The following NT5DC1 variants were observed in gnomAD, a reference collection of about 807,000 sequenced individuals.
NT5DC1 encodes the protein 5'-nucleotidase domain containing 1, also known as 5'-nucleotidase domain-containing protein 1.
Under a neutral mutation model 59.4 loss-of-function variants are expected in NT5DC1, and 42 were observed. The observed-to-expected ratio is 0.71, with a 90% CI of 0.55 to 0.92. The LOEUF (loss-of-function observed/expected upper bound fraction) is 0.92, where lower values mean the gene tolerates loss of function less well. Ranked by LOEUF, NT5DC1 falls within the 40% of genes least tolerant of loss-of-function variation. The pLI is 0.00. For missense variants in NT5DC1, 501 were observed against 537.1 expected (o/e 0.93, Z 0.66); for synonymous variants, 172 against 188.1 (o/e 0.91, Z 0.70).
chr6:116,142,133 A>G (rs1222830879), intron 6 of NT5DC1, among the ~76,000 whole-genome samples: 1 of 152,086 alleles, frequency 6.6e-6, no homozygotes, highest in Non-Finnish European at 1.5e-5. Flanking sequence ...TTTTGTAGGA[A>G]CTAAATGGAT....
chr6:116,195,212 C>T (rs1781198726), intron 6 of NT5DC1, among the ~76,000 whole-genome samples: 1 of 151,998 alleles, frequency 6.6e-6, no homozygotes, highest in South Asian at 2.1e-4. Context: ...ATAATATAGG[C>T]ATATGATAGT....
At chr6:116,166,226 A>G (rs763430038) in intron 6 of NT5DC1, among the ~76,000 whole-genome samples, 7 of 152,068 alleles carry the variant, frequency 4.6e-5, no homozygotes, top group African/African-American at 7.2e-5. Context: ...GGGGTCTCCA[A>G]CAGATCCTGG....
chr6:116,140,175 C>T (rs975376811), intron 6 of NT5DC1, among the ~76,000 whole-genome samples: 6 of 152,144 alleles, frequency 3.9e-5, no homozygotes, highest in Non-Finnish European at 5.9e-5. Flanking sequence ...CCAGTGCATG[C>T]TCTCAGGTAT....
intron 6 of NT5DC1, among the ~76,000 whole-genome samples, chr6:116,200,715 G>A (rs1309283680): frequency 6.6e-6 from 1 of 151,936 alleles, no homozygotes; most frequent in Non-Finnish European, 1.5e-5. Context: ...GATATTTAAT[G>A]TCCTTATGGA....
chr6:116,112,562 G>A (rs1395199899), intron 4 of NT5DC1, among the ~76,000 whole-genome samples: 2 of 152,076 alleles, frequency 1.3e-5, no homozygotes, highest in Non-Finnish European at 2.9e-5. Flanking sequence ...AGAGATTCTG[G>A]CATCAGCACA....
chr6:116,191,425 GAA>G (rs1781115127), intron 6 of NT5DC1, among the ~76,000 whole-genome samples: 1 of 152,050 alleles, frequency 6.6e-6, no homozygotes, highest in African/African-American at 2.4e-5. Context: ...TCACGGGAAA[GAA>G]GAGGAGGGAA....
intron 6 of NT5DC1, among the ~76,000 whole-genome samples, chr6:116,164,188 C>T (rs1308343895): frequency 6.6e-6 from 1 of 152,092 alleles, no homozygotes; most frequent in Non-Finnish European, 1.5e-5. Flanking sequence ...TCTGGGATGT[C>T]GAAGTTTCCC....
chr6:116,230,724 C>T (rs1173359205), intron 8 of NT5DC1, among the ~76,000 whole-genome samples: 1 of 152,206 alleles, frequency 6.6e-6, no homozygotes, highest in Non-Finnish European at 1.5e-5. Context: ...CTTCCTTCTG[C>T]AGCTCCAGTC....
chr6:116,108,997 C>T (rs574623406), intron 3 of NT5DC1, among the ~76,000 whole-genome samples: 4 of 152,296 alleles, frequency 2.6e-5, no homozygotes, highest in South Asian at 2.1e-4. Context: ...TTACTTCTCT[C>T]CTCTCTGAGT....
chr6:116,248,956 G>A lies in NT5DC1; in HGVS notation c.*4932G>A, dbSNP rs1414369527. ...AAATAAGTGGCGCCAGCCTATTACA[G>A]TGAATGCTATTGGTTAGACTAAAGC... On this transcript the variant is annotated 3_prime_UTR_variant, in exon 12 of 12. Coordinates refer to ENST00000319550, the MANE Select transcript of NT5DC1 (RefSeq NM_152729.3). The A allele has an allele frequency of 2.0e-5, 3 of 152,204 alleles. No individual in the cohort carries two copies. The highest frequency in any genetic ancestry group is 4.4e-5 in the Non-Finnish European group (3 of 68,040). The allele number at this position is 152,204 out of a possible 1,614,324, so 9.4% of individuals were successfully genotyped here. A position where few individuals can be genotyped will look rare whatever the true frequency, so the allele number is the denominator to read the frequency against.
At chr6:116,215,939 C>A (rs893035077) in intron 6 of NT5DC1, among the ~76,000 whole-genome samples, 29 of 152,130 alleles carry the variant, frequency 1.9e-4, no homozygotes, top group Non-Finnish European at 4.1e-4. Flanking sequence ...ATAAAGGAGT[C>A]TGTTTGGCTT....
intron 6 of NT5DC1, among the ~76,000 whole-genome samples, chr6:116,160,797 G>T (rs1780308107): frequency 6.6e-6 from 1 of 152,110 alleles, no homozygotes; most frequent in South Asian, 2.1e-4. Flanking sequence ...GTTAATTTTT[G>T]TATATGGTAA....
rs1782123470 is a variant in NT5DC1 at position 116,236,871 on chromosome 6, T to G, written c.803-95T>G. The G allele has an allele frequency of 4.1e-6, 3 of 723,920 alleles. No individual in the cohort carries two copies. In the Admixed American group the frequency reaches 6.7e-5, roughly 16 times the overall value. 44.8% of individuals were successfully genotyped at this position (723,920 alleles called of 1,614,324 possible). A position where few individuals can be genotyped will look rare whatever the true frequency, so the allele number is the denominator to read the frequency against. On this transcript the variant is annotated intron_variant, in intron 8 of 11. Coordinates refer to ENST00000319550, the MANE Select transcript of NT5DC1 (RefSeq NM_152729.3). Reference sequence around the variant, plus strand: ...CTCCTTTCCCCACAAGGTTCTTGTTTGTACATGTCCTGTAGCCATGCCCTA... The same window carrying G: ...CTCCTTTCCCCACAAGGTTCTTGTTGGTACATGTCCTGTAGCCATGCCCTA...
intron 6 of NT5DC1, among the ~76,000 whole-genome samples, chr6:116,199,997 A>AGCG (rs138305244): frequency 1.3e-4 from 15 of 119,704 alleles, no homozygotes; most frequent in African/African-American, 3.4e-4. Context: ...CAGTATGGAA[A>AGCG]GTGGGGGGGG....
chr6:116,223,256 C>T (rs1023565710), intron 8 of NT5DC1, 125 bp downstream of exon 8: 4 of 550,648 alleles, frequency 7.3e-6, no homozygotes, highest in Non-Finnish European at 9.8e-6. Flanking sequence ...GATAATAAAC[C>T]TATGTTTGTA....
chr6:116,164,937 A>C (rs772803919), intron 6 of NT5DC1, among the ~76,000 whole-genome samples: 5 of 151,928 alleles, frequency 3.3e-5, no homozygotes, highest in Non-Finnish European at 7.4e-5. Context: ...TAAATAAATA[A>C]AATACAAAAA....
intron 6 of NT5DC1, among the ~76,000 whole-genome samples, chr6:116,188,717 T>TC: frequency 6.6e-6 from 1 of 151,564 alleles, no homozygotes; most frequent in East Asian, 1.9e-4. Flanking sequence ...TTTTTTTTTT[T>TC]TTACCTGATT....
intron 6 of NT5DC1, among the ~76,000 whole-genome samples, chr6:116,185,301 A>G (rs1004713430): frequency 9.9e-5 from 15 of 152,080 alleles, no homozygotes; most frequent in African/African-American, 3.6e-4. Context: ...GTCTTGGAGA[A>G]TGTTCCATGT....
chr6:116,146,644 T>C (rs1277231962), intron 6 of NT5DC1, among the ~76,000 whole-genome samples: 11 of 152,216 alleles, frequency 7.2e-5, no homozygotes, highest in Non-Finnish European at 1.3e-4. Flanking sequence ...CAGTTTCCTA[T>C]AGTTATGTTA....
Sources: gnomAD v4.1 joint callset for allele counts (sites outside exome capture counted in the v4.1 genomes callset) on GRCh38, gnomAD v4.1.1 for gene constraint, MANE v1.5 for transcripts, NCBI Gene and HGNC (gene_info 2026-07-23, HGNC 2026-07-21) for gene names.